The following ATRNL1 variants were observed in gnomAD, a reference collection of about 807,000 sequenced individuals.
The protein encoded by ATRNL1 is attractin like 1.
Under a neutral mutation model 182.7 loss-of-function variants are expected in ATRNL1, and 95 were observed. The ratio of observed to expected loss-of-function variants is 0.52; its 90% CI spans 0.44 to 0.62. The LOEUF is 0.62. ATRNL1 is among the 20% of genes least tolerant of loss of function. The pLI, the probability that ATRNL1 is intolerant of heterozygous loss-of-function variation, is 0.00. For synonymous variants in ATRNL1, 576 were observed against 568.3 expected, an observed-to-expected ratio of 1.01 and a Z score of -0.19; for missense variants, 1,471 against 1,679.5, an observed-to-expected ratio of 0.88 and a Z score of 2.17.
intron 20 of ATRNL1, among the ~76,000 whole-genome samples, chr10:115,424,362 C>A (rs1296225907): frequency 6.6e-6 from 1 of 152,032 alleles, no homozygotes; most frequent in Non-Finnish European, 1.5e-5. Flanking sequence ...TGTTTGTGGA[C>A]AACAGTATGG....
At chr10:115,098,639 A>G (rs1472099250) in intron 1 of ATRNL1, among the ~76,000 whole-genome samples, 1 of 151,140 alleles carries the variant, frequency 6.6e-6, no homozygotes, top group African/African-American at 2.4e-5. Context: ...TTTTTTGTTT[A>G]GTAGAGACGG....
intron 27 of ATRNL1, among the ~76,000 whole-genome samples, chr10:115,845,959 T>A (rs1306476309): frequency 6.6e-6 from 1 of 152,076 alleles, no homozygotes; most frequent in Non-Finnish European, 1.5e-5. Flanking sequence ...GTAAATATGA[T>A]TTGAAACATT....
intron 26 of ATRNL1, among the ~76,000 whole-genome samples, chr10:115,637,640 T>TATTATTA: frequency 6.8e-6 from 1 of 146,262 alleles, no homozygotes; most frequent in Non-Finnish European, 1.5e-5. Context: ...TTATTATTAT[T>TATTATTA]TTGAGATGGA....
chr10:115,202,987 C>T (rs1311671482), intron 8 of ATRNL1, among the ~76,000 whole-genome samples: 1 of 151,572 alleles, frequency 6.6e-6, no homozygotes, highest in Admixed American at 6.6e-5. Context: ...AGGAATTTAT[C>T]CATTTCTTCT....
chr10:115,788,048 A>G (rs1555080793), intron 27 of ATRNL1, among the ~76,000 whole-genome samples: 1 of 152,234 alleles, frequency 6.6e-6, no homozygotes, highest in Non-Finnish European at 1.5e-5. Flanking sequence ...CAGCAGCCTC[A>G]GGAAAATAAT....
chr10:115,467,725 G>C (rs1193719108), intron 23 of ATRNL1, among the ~76,000 whole-genome samples: 1 of 150,428 alleles, frequency 6.6e-6, no homozygotes, highest in Admixed American at 6.6e-5. Flanking sequence ...GTGCTCAGAG[G>C]AGTTAAAAAA....
chr10:115,130,804 A>G (rs1845198064), intron 5 of ATRNL1, among the ~76,000 whole-genome samples: 1 of 152,138 alleles, frequency 6.6e-6, no homozygotes, highest in Non-Finnish European at 1.5e-5. Flanking sequence ...AAGGCCTGAG[A>G]AATAGAAATA....
At chr10:115,666,873 T>C (rs1861030658) in intron 26 of ATRNL1, among the ~76,000 whole-genome samples, 1 of 151,432 alleles carries the variant, frequency 6.6e-6, no homozygotes, top group Non-Finnish European at 1.5e-5. Flanking sequence ...TTGCAATACT[T>C]AAATCCACTT....
intron 1 of ATRNL1, among the ~76,000 whole-genome samples, chr10:115,097,241 T>C (rs929116599): frequency 5.9e-5 from 9 of 152,298 alleles, no homozygotes; most frequent in South Asian, 4.1e-4. Context: ...CCCAGCACTT[T>C]GGGAGGCCGA....
intron 27 of ATRNL1, among the ~76,000 whole-genome samples, chr10:115,779,611 TAGG>T (rs1233229354): frequency 1.3e-5 from 2 of 152,216 alleles, no homozygotes; most frequent in Non-Finnish European, 2.9e-5. Context: ...AGCTAAATAT[TAGG>T]AGGACTGTGC....
At chr10:115,547,082 C>T (rs1269439661) in intron 25 of ATRNL1, among the ~76,000 whole-genome samples, 1 of 151,708 alleles carries the variant, frequency 6.6e-6, no homozygotes, top group Non-Finnish European at 1.5e-5. Flanking sequence ...GGTGAAACCC[C>T]ATCTCTACTA....
chr10:115,401,507 G>A (rs1415010506), intron 20 of ATRNL1, among the ~76,000 whole-genome samples: 1 of 152,128 alleles, frequency 6.6e-6, no homozygotes, highest in Non-Finnish European at 1.5e-5. Context: ...TGGAGAAAAT[G>A]AGGGATTATG....
intron 26 of ATRNL1, among the ~76,000 whole-genome samples, chr10:115,602,118 C>A (rs1856628369): frequency 6.6e-6 from 1 of 152,072 alleles, no homozygotes; most frequent in Non-Finnish European, 1.5e-5. Context: ...CTTTGGGAGC[C>A]TGAGGCAGGT....
chr10:115,388,858 G>A (rs782285551), intron 19 of ATRNL1, among the ~76,000 whole-genome samples: 1 of 151,914 alleles, frequency 6.6e-6, no homozygotes, highest in African/African-American at 2.4e-5. Flanking sequence ...TTATATGTTT[G>A]TGGGGTAAAA....
chr10:115,157,321 G>A (rs557924912), intron 5 of ATRNL1, among the ~76,000 whole-genome samples: 24 of 151,772 alleles, frequency 1.6e-4, no homozygotes, highest in African/African-American at 4.6e-4. Context: ...TCTTTTTGTC[G>A]TTGTTTGTGT....
chr10:115,448,854 CCAACAACAACAACAA>C (rs3981286), intron 21 of ATRNL1, among the ~76,000 whole-genome samples: 3 of 150,212 alleles, frequency 2.0e-5, no homozygotes, highest in South Asian at 2.1e-4. Flanking sequence ...AGCGTGCCAA[CCAACAACAACAACAA>C]CAACAACAAC....
At chr10:115,871,467 C>CCATATA (rs1951578505) in intron 28 of ATRNL1, among the ~76,000 whole-genome samples, 2 of 16,542 alleles carry the variant, frequency 1.2e-4, no homozygotes, top group African/African-American at 1.7e-4. Context: ...TGGTCAGATT[C>CCATATA]TTTGTGTGTG....
At chr10:115,115,693 G>T (rs1426227046) in intron 1 of ATRNL1, among the ~76,000 whole-genome samples, 1 of 152,072 alleles carries the variant, frequency 6.6e-6, no homozygotes, top group Non-Finnish European at 1.5e-5. Flanking sequence ...TTCCTTGTAG[G>T]CTGGTTATGC....
intron 26 of ATRNL1, among the ~76,000 whole-genome samples, chr10:115,656,648 G>A (rs1256783003): frequency 6.6e-6 from 1 of 152,166 alleles, no homozygotes; most frequent in Non-Finnish European, 1.5e-5. Context: ...TGAATAAAAT[G>A]ATTGTAAAAT....
Sources: gnomAD v4.1 joint callset for allele counts (sites outside exome capture counted in the v4.1 genomes callset) on GRCh38, gnomAD v4.1.1 for gene constraint, MANE v1.5 for transcripts, NCBI Gene and HGNC (gene_info 2026-07-23, HGNC 2026-07-21) for gene names.